OSMR: variants seen among roughly 807,000 people sequenced by gnomAD.
The protein encoded by OSMR is oncostatin-M-specific receptor subunit beta.
In OSMR, 81 loss-of-function variants were observed where a neutral mutation model predicts 99.9. The ratio of observed to expected loss-of-function variants is 0.81; its 90% CI spans 0.68 to 0.97. OSMR has a LOEUF of 0.97. OSMR is among the 50% of genes least tolerant of loss of function. The pLI, the probability that OSMR is intolerant of heterozygous loss-of-function variation, is 0.00. For synonymous variants in OSMR, 406 were observed against 410.4 expected, an observed-to-expected ratio of 0.99 and a Z score of 0.13; for missense variants, 1,099 against 1,153.4, an observed-to-expected ratio of 0.95 and a Z score of 0.68.
chr5:38,929,931 G>C (rs945547591), intron 15 of OSMR, among the ~76,000 whole-genome samples: 2 of 152,128 alleles, frequency 1.3e-5, no homozygotes, highest in Non-Finnish European at 2.9e-5. Flanking sequence ...CCTTATCTTA[G>C]CCTCTCCTGG....
chr5:38,943,576 G>A (rs1747838721), intron 1 of OSMR, among the ~76,000 whole-genome samples: 1 of 152,166 alleles, frequency 6.6e-6, no homozygotes, highest in Non-Finnish European at 1.5e-5. Context: ...CACTTTGGGA[G>A]GCTGAGACAG....
At chr5:38,878,202 T>C (rs746206255) in intron 3 of OSMR, among the ~76,000 whole-genome samples, 1 of 152,184 alleles carries the variant, frequency 6.6e-6, no homozygotes, top group Non-Finnish European at 1.5e-5. Flanking sequence ...GAGAAATGCT[T>C]GTCTGAATCA....
At chr5:38,926,792 G>T (rs1746494220) in intron 15 of OSMR, among the ~76,000 whole-genome samples, 1 of 152,252 alleles carries the variant, frequency 6.6e-6, no homozygotes, top group Non-Finnish European at 1.5e-5. Context: ...AGTCCCCCAA[G>T]GTCTTAGCTC....
downstream of OSMR, chr5:38,940,144 A>AAAAAAAAAAAAAAAAC (rs1561426227): frequency 7.1e-6 from 1 of 140,894 alleles, no homozygotes; most frequent in African/African-American, 4.3e-5. Context: ...AAAAAAAAAC[A>AAAAAAAAAAAAAAAAC]AAAAAAAAAA....
At chr5:38,931,003 G>A (rs952666499) in intron 15 of OSMR, among the ~76,000 whole-genome samples, 19 of 148,054 alleles carry the variant, frequency 1.3e-4, no homozygotes, top group African/African-American at 4.2e-4. Flanking sequence ...TGTGGTTTTC[G>A]TAGTGTTTTT....
intron 2 of OSMR, chr5:38,944,435 A>T: frequency 6.9e-6 from 11 of 1,592,840 alleles, no homozygotes; most frequent in Non-Finnish European, 6.8e-6. Context: ...TCATGCACAT[A>T]GTTTACTCAC....
At chr5:38,892,078 T>C (rs1221367619) in intron 7 of OSMR, among the ~76,000 whole-genome samples, 4 of 152,126 alleles carry the variant, frequency 2.6e-5, no homozygotes, top group Non-Finnish European at 5.9e-5. Context: ...TAGTAAGGTG[T>C]GGCACCCGTG....
chr5:38,866,142 A>AATTCCCAGGCCCCCGCTTC (rs1741921166), intron 1 of OSMR, among the ~76,000 whole-genome samples: 1 of 152,154 alleles, frequency 6.6e-6, no homozygotes, highest in Non-Finnish European at 1.5e-5. Context: ...AAGACAGATC[A>AATTCCCAGGCCCCCGCTTC]ATTCCCAGGC....
chr5:38,933,354 A>T lies in OSMR; in HGVS notation c.2850A>T (p.Ala950=), dbSNP rs770064037. 2 of 1,614,144 alleles carry T rather than the reference A, an allele frequency of 1.2e-6. No homozygotes were observed. The highest frequency in any genetic ancestry group is 1.1e-5 in the South Asian group (1 of 91,074). ...GTTCAGAGTATAAAATGCAAATGGC[A>T]GTCTCCCTGCGTCTTGCCTTGCCTC... is the stretch of plus-strand genomic sequence containing the variant. ...PHCSEYKMQM[A]VSLRLALPPP... The change falls in exon 18 of 18, where the codon GCA becomes GCT. Residue 950 remains alanine (A), a synonymous_variant. Transcript: ENST00000274276.
At chr5:38,903,188 CACA>C (rs578217133) in intron 7 of OSMR, among the ~76,000 whole-genome samples, 6 of 152,346 alleles carry the variant, frequency 3.9e-5, no homozygotes, top group Admixed American at 3.9e-4. Context: ...TACACTCATA[CACA>C]ACAAGTTACG....
At chr5:38,877,408 G>A (rs1742920835) in intron 3 of OSMR, among the ~76,000 whole-genome samples, 1 of 152,168 alleles carries the variant, frequency 6.6e-6, no homozygotes, top group African/African-American at 2.4e-5. Context: ...TGTCCACTTA[G>A]GATTCATACC....
chr5:38,857,214 A>C (rs1740923135), intron 1 of OSMR, among the ~76,000 whole-genome samples: 2 of 152,216 alleles, frequency 1.3e-5, no homozygotes, highest in South Asian at 4.1e-4. Flanking sequence ...TTTTTAAAAA[A>C]CATTTGGCAA....
chr5:38,933,426 A>G lies in OSMR; in HGVS notation c.2922A>G (p.Pro974=), dbSNP rs781047057. 2 of 1,614,118 alleles carry G rather than the reference A, an allele frequency of 1.2e-6. No individual in the cohort carries two copies. The highest frequency in any genetic ancestry group is 8.5e-7 in the Non-Finnish European group (1 of 1,179,978). Reference sequence around the variant, plus strand: ...TCTCCTCAATTACCCTTTTAGATCCAGGTGAACACTACTGCTAACCAGCAT... The same window carrying G: ...TCTCCTCAATTACCCTTTTAGATCCGGGTGAACACTACTGCTAACCAGCAT... ...SSLSSITLLD[P]GEHYC The change falls in exon 18 of 18, where the codon CCA becomes CCG. Residue 974 remains proline (P), a synonymous_variant. Transcript: ENST00000274276.
intron 13 of OSMR, among the ~76,000 whole-genome samples, chr5:38,923,630 T>G (rs357292): frequency 0.18 from 27,976 of 152,146 alleles, 2,873 homozygotes; most frequent in Middle Eastern, 0.26. Context: ...TTTAAGACTT[T>G]CCACACATGT....
chr5:38,893,410 A>G (rs1744286731), intron 7 of OSMR, among the ~76,000 whole-genome samples: 1 of 152,238 alleles, frequency 6.6e-6, no homozygotes, highest in South Asian at 2.1e-4. Context: ...GATCCAAGAC[A>G]AAGTTGAAAA....
intron 12 of OSMR, among the ~76,000 whole-genome samples, chr5:38,922,148 T>C (rs1029464149): frequency 6.6e-6 from 1 of 152,240 alleles, no homozygotes; most frequent in African/African-American, 2.4e-5. Flanking sequence ...TTAGGACATA[T>C]AGTTGATGAG....
rs1298595906 is a variant in OSMR at position 38,883,968 on chromosome 5, A to G, written c.560A>G (p.His187Arg). 6.2e-7 allele frequency: 1 copy of G among 1,613,958 alleles called. No homozygotes were observed. Among genetic ancestry groups the G allele is most frequent in the Admixed American group, 1.7e-5 (1 of 60,032 alleles). Reference sequence around the variant, plus strand: ...TGTTATTTGGAAGGGAAACAGATTCATGGAGAACAACTTGATCCACATGTA... The same window carrying G: ...TGTTATTTGGAAGGGAAACAGATTCGTGGAGAACAACTTGATCCACATGTA... ...VSCYLEGKQIHGEQLDPHVTA... is the reference protein window; with the variant it reads ...VSCYLEGKQIRGEQLDPHVTA... Residue 187 changes from histidine to arginine, a missense_variant, in exon 5 of 18, where the codon CAT (histidine) becomes CGT (arginine). Transcript: ENST00000274276.
intron 7 of OSMR, 154 bp downstream of exon 7, chr5:38,886,344 C>T (rs142456357): frequency 1.4e-6 from 2 of 1,470,178 alleles, no homozygotes; most frequent in East Asian, 4.9e-5. Flanking sequence ...CGTTTCTCCT[C>T]ATGGATGCAC....
chr5:38,932,791 A>G, intron 17 of OSMR, 81 bp from the exon 18 acceptor site: 1 of 1,593,584 alleles, frequency 6.3e-7, no homozygotes, highest in Non-Finnish European at 8.5e-7. Flanking sequence ...CTCTAAGTGT[A>G]TTTCACATGC....
Sources: allele counts gnomAD v4.1 joint callset (sites outside exome capture counted in the v4.1 genomes callset), GRCh38; gene constraint gnomAD v4.1.1; transcripts MANE v1.5; gene names NCBI Gene and HGNC (gene_info 2026-07-23, HGNC 2026-07-21).